Variants in TSBP1 observed in about 807,000 individuals in gnomAD.
TSBP1 encodes the protein testis expressed basic protein 1.
TSBP1 carries 56 observed loss-of-function variants against 68.8 expected under a neutral mutation model. The observed-to-expected ratio is 0.81, with a 90% CI of 0.66 to 1.02. TSBP1 has a LOEUF of 1.02. Ranked by LOEUF, TSBP1 falls within the 50% of genes least tolerant of loss-of-function variation. The pLI, the probability that TSBP1 is intolerant of heterozygous loss-of-function variation, is 0.00. For missense variants in TSBP1, 502 were observed against 641.2 expected (o/e 0.78, Z 2.34); for synonymous variants, 171 against 208.7 (o/e 0.82, Z 1.56).
chr6:32,322,531 C>A (rs750694964), intron 18 of TSBP1, 25 bp from the exon 20 acceptor site: 4 of 1,566,746 alleles, frequency 2.6e-6, no homozygotes, highest in Non-Finnish European at 3.5e-6. Context: ...AACAGAAATC[C>A]ATTTAATTTT....
intron 22 of TSBP1, among the ~76,000 whole-genome samples, chr6:32,294,737 T>A (rs1347646692): frequency 6.6e-6 from 1 of 152,230 alleles, no homozygotes; most frequent in East Asian, 1.9e-4. Context: ...TGTAGACTAC[T>A]TCTTGCAATA....
intron 18 of TSBP1, among the ~76,000 whole-genome samples, chr6:32,318,617 C>A (rs1468778758): frequency 6.6e-6 from 1 of 152,106 alleles, no homozygotes; most frequent in African/African-American, 2.4e-5. Context: ...CCTGGTGAAC[C>A]TTATGCTAAA....
At chr6:32,371,637 A>T in intron 1 of TSBP1, 57 bp downstream of exon 1, 2 of 1,255,026 alleles carry the variant, frequency 1.6e-6, no homozygotes, top group Non-Finnish European at 2.3e-6. Flanking sequence ...AGTCCCTAAG[A>T]GGAGACTCCT....
intron 18 of TSBP1, 26 bp downstream of exon 19, chr6:32,323,091 A>G (rs1477903160): frequency 8.4e-6 from 13 of 1,552,174 alleles, no homozygotes; most frequent in Non-Finnish European, 1.1e-5. Flanking sequence ...AGAGAACCAA[A>G]GAAGAAAAAG....
At position 32,364,578 on chromosome 6, in the gene TSBP1, TTTTG is replaced by T. The variant is rs574895119; in HGVS notation, c.217+1585_217+1588del. 2.2e-3 allele frequency among the ~76,000 whole-genome samples: 338 copies of T among 152,142 alleles called. 5 individuals are homozygous for T. The highest frequency in any genetic ancestry group is 8.3e-3 in the South Asian group (40 of 4,816). On this transcript the variant is annotated intron_variant, in intron 6 of 22. Transcript: ENST00000612031. ...CAGCTCCAAAATTTGTATGGCTCTG[TTTTG>T]TTTTTTTTTCTCTTTGTTGAACTTC...
At position 32,302,412 on chromosome 6, in the gene TSBP1, C is replaced by A. The variant is rs1321711739; in HGVS notation, c.601+197G>T. Among the ~76,000 whole-genome samples, 1 of 152,080 alleles carries A rather than the reference C, an allele frequency of 6.6e-6. No homozygotes were observed. The highest frequency in any genetic ancestry group is 2.1e-4 in the South Asian group (1 of 4,834). On this transcript the variant is annotated intron_variant, in intron 20 of 22. Transcript: ENST00000612031. The surrounding 1 kb of genome is among the most constrained non-coding windows in gnomAD (Gnocchi z 5.1). ...GAGGTTGTAGTGAACTATGATCACA[C>A]CACTGCACTCCAGGCTAGGTGACAG...
intron 6 of TSBP1, among the ~76,000 whole-genome samples, chr6:32,363,598 A>G (rs1450618790): frequency 6.6e-6 from 1 of 151,680 alleles, no homozygotes; most frequent in Non-Finnish European, 1.5e-5. Flanking sequence ...TGAAGCTAAT[A>G]ATAACTTAGA....
intron 22 of TSBP1, among the ~76,000 whole-genome samples, chr6:32,294,545 T>A (rs1266362206): frequency 6.6e-6 from 1 of 152,244 alleles, no homozygotes; most frequent in Non-Finnish European, 1.5e-5. Flanking sequence ...AAGCACTTTA[T>A]GTATTAAATC....
intron 18 of TSBP1, 151 bp downstream of exon 20, chr6:32,322,335 G>A (rs759178375): frequency 1.1e-5 from 7 of 618,764 alleles, no homozygotes; most frequent in African/African-American, 1.8e-5. Context: ...CTACAGTTAC[G>A]AATCAAAAAG....
chr6:32,305,256 G>C (rs1414419703), intron 19 of TSBP1, among the ~76,000 whole-genome samples: 1 of 152,178 alleles, frequency 6.6e-6, no homozygotes, highest in Non-Finnish European at 1.5e-5. Context: ...GGGGTCTTCT[G>C]AAGGAACTCC....
chr6:32,306,202 T>C lies in TSBP1; in HGVS notation c.581-3573A>G, dbSNP rs1261914073. Among the ~76,000 whole-genome samples, 2 of 152,244 alleles carry C rather than the reference T, an allele frequency of 1.3e-5. No homozygotes were observed. Among genetic ancestry groups the C allele is most frequent in the African/African-American group, 4.8e-5 (2 of 41,462 alleles). On this transcript the variant is annotated intron_variant, in intron 19 of 22. Coordinates refer to ENST00000612031, the Ensembl canonical transcript of TSBP1. The surrounding 1 kb of genome is among the most constrained non-coding windows in gnomAD (Gnocchi z 5.1). ...CAATCATGGAATTTTTGAAACTAAC[T>C]GTACGACTAAGGGGGAATTATGTAA... is the stretch of plus-strand genomic sequence containing the variant.
intron 3 of TSBP1, 31 bp from the exon 4 acceptor site, chr6:32,367,988 C>A: frequency 1.3e-6 from 2 of 1,514,274 alleles, no homozygotes; most frequent in South Asian, 2.3e-5. Context: ...CATGATTTTG[C>A]TTCTTGATTA....
chr6:32,349,785 G>C (rs756915643), exon 9 of TSBP1: 14 of 1,610,346 alleles, frequency 8.7e-6, no homozygotes, highest in Non-Finnish European at 1.1e-5. Context: ...ATCAAAAGAA[G>C]AATGAGTTCT....
At chr6:32,339,568 AAAG>A (rs753287966) in intron 10 of TSBP1, 29 bp downstream of exon 11, 1 of 1,190,278 alleles carries the variant, frequency 8.4e-7, no homozygotes, top group African/African-American at 1.4e-5. Flanking sequence ...GTCAGTAAAA[AAAG>A]GACTGAGTTG....
intron 14 of TSBP1, 69 bp from the exon 16 acceptor site, chr6:32,332,123 C>A (rs1029052618): frequency 1.6e-6 from 2 of 1,217,006 alleles, no homozygotes; most frequent in South Asian, 1.2e-5. Context: ...TAATTTTATC[C>A]TAGAAGTGAG....
At position 32,338,313 on chromosome 6, in the gene TSBP1, G is replaced by A. The variant is rs9368716; in HGVS notation, c.409+666C>T. On this transcript the variant is annotated intron_variant, in intron 11 of 22. Coordinates refer to ENST00000612031, the Ensembl canonical transcript of TSBP1. The surrounding 1 kb of genome is among the most constrained non-coding windows in gnomAD (Gnocchi z 5.5). ...TGCATATCTAAAACTCCAGGGTGAC[G>A]TTGATGCAGGCCCTTGGACCCACTT... Among the ~76,000 whole-genome samples the A allele has an allele frequency of 0.4, 60,725 of 151,882 alleles. 13,242 individuals are homozygous for A. The highest frequency in any genetic ancestry group is 0.58 in the Middle Eastern group (170 of 294).
rs1766899282 is a variant in TSBP1 at position 32,315,884 on chromosome 6, G to A, written c.560-92C>T. The A allele has an allele frequency of 6.4e-6, 5 of 783,710 alleles. No homozygotes were observed. The highest frequency in any genetic ancestry group is 1.0e-5 in the Non-Finnish European group (5 of 497,634). 48.5% of individuals were successfully genotyped at this position (783,710 alleles called of 1,614,324 possible). A position where few individuals can be genotyped will look rare whatever the true frequency, so the allele number is the denominator to read the frequency against. ...CATATTTTGTTGGAGTCTGTGAGGG[G>A]AGGACTTGTGTGGGCAAAGAAGGAA... On this transcript the variant is annotated intron_variant, in intron 18 of 22. Coordinates refer to ENST00000612031, the Ensembl canonical transcript of TSBP1. This position sits in a 1 kb window ranked among gnomAD's most constrained non-coding sequence, Gnocchi z 5.4.
At position 32,340,755 on chromosome 6, in the gene TSBP1, T is replaced by C. The variant is rs894112619; in HGVS notation, c.350-1117A>G. Among the ~76,000 whole-genome samples, 15 of 152,118 alleles carry C rather than the reference T, an allele frequency of 9.9e-5. No individual in the cohort carries two copies. Among genetic ancestry groups the C allele is most frequent in the African/African-American group, 3.6e-4 (15 of 41,516 alleles). On this transcript the variant is annotated intron_variant, in intron 9 of 22. Coordinates refer to ENST00000612031, the Ensembl canonical transcript of TSBP1. This position sits in a 1 kb window ranked among gnomAD's most constrained non-coding sequence, Gnocchi z 4.8. Reference sequence around the variant, plus strand: ...GTAACACAGGTCATATATATTCCATTCCTGACCTAAAGTAATATGGAATAA... The same window carrying C: ...GTAACACAGGTCATATATATTCCATCCCTGACCTAAAGTAATATGGAATAA...
At chr6:32,324,285 A>G (rs1211187541) in intron 16 of TSBP1, 1 of 309,634 alleles carries the variant, frequency 3.2e-6, no homozygotes, top group Non-Finnish European at 6.3e-6. Context: ...ATATGGCAGG[A>G]GGTTCAAATG....
Sources: allele counts gnomAD v4.1 joint callset (sites outside exome capture counted in the v4.1 genomes callset), GRCh38; gene constraint gnomAD v4.1.1; non-coding constraint Gnocchi (gnomAD v3.1); transcripts MANE v1.5; gene names NCBI Gene and HGNC (gene_info 2026-07-23, HGNC 2026-07-21).